CSMD1: variants seen among roughly 807,000 people sequenced by gnomAD.
CSMD1 encodes the protein CUB and Sushi multiple domains 1.
Under a neutral mutation model 417.5 loss-of-function variants are expected in CSMD1, and 213 were observed. The observed-to-expected ratio is 0.51, with a 90% CI of 0.46 to 0.57. The LOEUF is 0.57. CSMD1 is among the 20% of genes least tolerant of loss of function. The probability of loss-of-function intolerance (pLI) is 0.00; values close to 1 mark genes in which losing one functional copy is unlikely to be tolerated. For synonymous variants in CSMD1, 2,862 were observed against 1,736.8 expected, an observed-to-expected ratio of 1.65 and a Z score of -16.11; for missense variants, 6,923 against 4,529.7, an observed-to-expected ratio of 1.53 and a Z score of -15.17.
intron 2 of CSMD1, among the ~76,000 whole-genome samples, chr8:4,452,810 C>G (rs1278482954): frequency 6.6e-6 from 1 of 151,994 alleles, no homozygotes; most frequent in East Asian, 1.9e-4. Flanking sequence ...CAAAAATCCC[C>G]CAGTCCTCAA....
At chr8:4,885,452 T>A (rs141266308) in intron 1 of CSMD1, among the ~76,000 whole-genome samples, 157 of 152,198 alleles carry the variant, frequency 1.0e-3, no homozygotes, top group Non-Finnish European at 1.9e-3. Context: ...ACATTAAGTA[T>A]AATCTTACAT....
intron 49 of CSMD1, 136 bp from the exon 50 acceptor site, chr8:3,052,783 T>G (rs1449775071): frequency 3.4e-5 from 19 of 553,920 alleles, no homozygotes; most frequent in African/African-American, 4.4e-5. Context: ...TTTTTTTTCT[T>G]TCTTTTTTTT....
chr8:3,185,501 T>C (rs1821693162), intron 36 of CSMD1, among the ~76,000 whole-genome samples: 1 of 152,232 alleles, frequency 6.6e-6, no homozygotes, highest in African/African-American at 2.4e-5. Context: ...CACAGATTTA[T>C]GACTGAGAAC....
chr8:4,088,879 C>G (rs996183567), intron 3 of CSMD1, among the ~76,000 whole-genome samples: 1 of 152,114 alleles, frequency 6.6e-6, no homozygotes. Flanking sequence ...GTGTTCCACC[C>G]GCAATCTTCC....
rs1047088520 is a variant in CSMD1, at chr8:3,405,942, T to C, written c.2266+85A>G. ...TTTTGTTAGGGCAGCCCTAGCAAGC[T>C]AACACAGTTTGTTGGTTTGTGTGTG... On this transcript the variant is annotated intron_variant, in intron 15 of 69. Coordinates refer to ENST00000635120, the MANE Select transcript of CSMD1 (RefSeq NM_033225.6). 3.3e-5 allele frequency: 44 copies of C among 1,323,438 alleles called. No homozygotes were observed. In the African/African-American group the frequency reaches 5.8e-4, roughly 17 times the overall value. 82.0% of individuals were successfully genotyped at this position (1,323,438 alleles called of 1,614,324 possible).
intron 3 of CSMD1, among the ~76,000 whole-genome samples, chr8:4,256,240 T>A (rs1031579177): frequency 6.6e-6 from 1 of 152,184 alleles, no homozygotes; most frequent in Non-Finnish European, 1.5e-5. Context: ...AAACCAACCT[T>A]CTCTCTCTGC....
At chr8:4,536,623 A>C (rs1172209232) in intron 2 of CSMD1, among the ~76,000 whole-genome samples, 1 of 152,212 alleles carries the variant, frequency 6.6e-6, no homozygotes, top group Non-Finnish European at 1.5e-5. Context: ...GATACTGAGA[A>C]TAGGTACAGG....
Position 4,787,748 on chromosome 8 carries a change from T to A in CSMD1, c.86-150190A>T. ...CCACAGTGGTCTGAGGAACAGCTGA[T>A]TGCTGCAAAATTTTGCTTCGCTGGA... On this transcript the variant is annotated intron_variant, in intron 1 of 69. Transcript: ENST00000635120. 1.9e-6 allele frequency: 3 copies of A among 1,588,758 alleles called. No homozygotes were observed. In the Admixed American group the frequency reaches 5.0e-5, roughly 27 times the overall value.
intron 1 of CSMD1, among the ~76,000 whole-genome samples, chr8:4,993,775 G>A (rs1258786616): frequency 2.6e-5 from 4 of 152,224 alleles, no homozygotes; most frequent in Non-Finnish European, 2.9e-5. Flanking sequence ...CGCCGGCTGA[G>A]GACGTTGGAG....
At chr8:4,069,178 G>C (rs79630734) in intron 3 of CSMD1, among the ~76,000 whole-genome samples, 2 of 152,152 alleles carry the variant, frequency 1.3e-5, no homozygotes, top group African/African-American at 4.8e-5. Context: ...TGATGGGTAG[G>C]CATAAAACCA....
At chr8:3,191,007 T>C (rs891043325) in intron 33 of CSMD1, among the ~76,000 whole-genome samples, 12 of 152,102 alleles carry the variant, frequency 7.9e-5, no homozygotes, top group African/African-American at 2.9e-4. Flanking sequence ...GGCTATAAAG[T>C]TTCACTTACA....
intron 1 of CSMD1, among the ~76,000 whole-genome samples, chr8:4,917,449 A>G (rs529815376): frequency 6.6e-6 from 1 of 152,250 alleles, no homozygotes; most frequent in South Asian, 2.1e-4. Flanking sequence ...CCTGGCTAAC[A>G]CGGTGAAACT....
intron 3 of CSMD1, among the ~76,000 whole-genome samples, chr8:4,372,760 A>T (rs1802472178): frequency 6.6e-6 from 1 of 151,880 alleles, no homozygotes; most frequent in Non-Finnish European, 1.5e-5. Flanking sequence ...AAAAAAAAGT[A>T]GCATTGGATA....
At chr8:4,167,637 G>A (rs1321743658) in intron 3 of CSMD1, among the ~76,000 whole-genome samples, 2 of 152,280 alleles carry the variant, frequency 1.3e-5, no homozygotes, top group South Asian at 4.1e-4. Context: ...AAATCCATCT[G>A]TTTGGAAGAT....
intron 30 of CSMD1, among the ~76,000 whole-genome samples, chr8:3,210,408 TTA>T (rs1797532804): frequency 2.9e-5 from 1 of 34,404 alleles, no homozygotes; most frequent in African/African-American, 1.7e-4. Flanking sequence ...AAATTTGGTT[TTA>T]TATATATGAC....
intron 3 of CSMD1, among the ~76,000 whole-genome samples, chr8:4,077,439 AG>A (rs1180392893): frequency 6.6e-6 from 1 of 151,610 alleles, no homozygotes; most frequent in East Asian, 1.9e-4. Flanking sequence ...AATTAATTTG[AG>A]TATCCTATAC....
At chr8:3,291,581 C>G (rs566888606) in intron 25 of CSMD1, among the ~76,000 whole-genome samples, 4 of 152,218 alleles carry the variant, frequency 2.6e-5, no homozygotes, top group South Asian at 4.1e-4. Context: ...AGGAATTTAT[C>G]CATTTTTTCT....
intron 2 of CSMD1, among the ~76,000 whole-genome samples, chr8:4,588,229 T>C (rs1438322090): frequency 1.3e-5 from 2 of 152,008 alleles, no homozygotes; most frequent in Non-Finnish European, 2.9e-5. Context: ...CTGGTGTTGA[T>C]TACAACTCAA....
rs548829519 is a variant in CSMD1, at chr8:3,264,823, A to C, written c.4153+19321T>G. Among the ~76,000 whole-genome samples the C allele has an allele frequency of 2.0e-5, 3 of 152,018 alleles. No individual in the cohort carries two copies. The East Asian group carries it at 5.8e-4, about 29-fold the overall frequency. Reference sequence around the variant, plus strand: ...AGTGCCTCTGTTTTGCCTACTGTAAAAACTATACTGATACTATATGTGTGG... The same window carrying C: ...AGTGCCTCTGTTTTGCCTACTGTAACAACTATACTGATACTATATGTGTGG... On this transcript the variant is annotated intron_variant, in intron 26 of 69. Coordinates refer to ENST00000635120, the MANE Select transcript of CSMD1 (RefSeq NM_033225.6).
Sources: allele counts gnomAD v4.1 joint callset (sites outside exome capture counted in the v4.1 genomes callset), GRCh38; gene constraint gnomAD v4.1.1; transcripts MANE v1.5; gene names NCBI Gene and HGNC (gene_info 2026-07-23, HGNC 2026-07-21).